ELP1: variants seen among roughly 807,000 people sequenced by gnomAD.
ELP1 encodes elongator acetyltransferase complex subunit 1.
ELP1 carries 131 observed loss-of-function variants against 183.2 expected under a neutral mutation model. The ratio of observed to expected loss-of-function variants is 0.72; its 90% CI spans 0.62 to 0.83. ELP1 has a LOEUF of 0.83. Among genes scored for constraint, ELP1 ranks in the 40% least tolerant of loss-of-function variants. The probability of loss-of-function intolerance (pLI) is 0.00; values close to 1 mark genes in which losing one functional copy is unlikely to be tolerated. For synonymous variants in ELP1, 555 were observed against 569.0 expected (o/e 0.98, Z 0.35); for missense variants, 1,550 against 1,594.9 (o/e 0.97, Z 0.48).
chr9:108,887,063 G>T (rs1220769955), intron 29 of ELP1, among the ~76,000 whole-genome samples: 3 of 151,934 alleles, frequency 2.0e-5, no homozygotes, highest in Non-Finnish European at 4.4e-5. Flanking sequence ...ACAAAAATTA[G>T]CCAGGCATGG....
At chr9:108,881,875 GA>G (rs754298510) in intron 30 of ELP1, 110 bp from the exon 31 acceptor site, 10 of 768,812 alleles carry the variant, frequency 1.3e-5, no homozygotes, top group Non-Finnish European at 2.0e-5. Context: ...ATATTTTCCT[GA>G]AAAACAGGCC....
chr9:108,912,218 C>A (rs761200371), intron 11 of ELP1, 46 bp downstream of exon 11: 3 of 1,447,696 alleles, frequency 2.1e-6, no homozygotes, highest in Middle Eastern at 3.6e-4. Flanking sequence ...AGGCCCTAGG[C>A]TCAGGACCCC....
chr9:108,922,864 T>C lies in ELP1; in HGVS notation c.530A>G (p.Gln177Arg). 6.2e-7 allele frequency: 1 copy of C among 1,614,018 alleles called. No homozygotes were observed. Among genetic ancestry groups the C allele is most frequent in the Non-Finnish European group, 8.5e-7 (1 of 1,179,854 alleles). ...ETQFHGSEGR[Q>R]AAFQMQMHES... Reference sequence around the variant, plus strand: ...TACCATTTGCATCTGAAAAGCTGCTTGTCTGCCTTCTGATCCATGGAACTG... The same window carrying C: ...TACCATTTGCATCTGAAAAGCTGCTCGTCTGCCTTCTGATCCATGGAACTG... Residue 177 changes from glutamine (Q) to arginine (R), a missense_variant, in exon 6 of 37, where the codon CAA becomes CGA. Gln to Arg is a conservative substitution (Grantham distance 43, BLOSUM62 1). Coordinates refer to ENST00000374647, the MANE Select transcript of ELP1 (RefSeq NM_003640.5).
intron 13 of ELP1, among the ~76,000 whole-genome samples, chr9:108,907,606 A>T (rs1349101181): frequency 6.6e-6 from 1 of 152,210 alleles, no homozygotes; most frequent in Non-Finnish European, 1.5e-5. Context: ...AGTAATGAAG[A>T]ACATGGACTT....
intron 5 of ELP1, among the ~76,000 whole-genome samples, chr9:108,925,500 C>T (rs891086908): frequency 5.9e-5 from 9 of 151,962 alleles, no homozygotes; most frequent in Admixed American, 3.3e-4. Context: ...CTGACTACTC[C>T]AAACCCTTAT....
chr9:108,883,703 C>T (rs115525860), intron 29 of ELP1, among the ~76,000 whole-genome samples: 196 of 151,952 alleles, frequency 1.3e-3, no homozygotes, highest in African/African-American at 4.4e-3. Flanking sequence ...AAGTAGTATA[C>T]GATTATCTGA....
chr9:108,930,857 T>C, intron 2 of ELP1, 140 bp downstream of exon 2: 1 of 801,884 alleles, frequency 1.2e-6, no homozygotes, highest in South Asian at 1.5e-5. Context: ...TAACATGGCA[T>C]ATATATGAAG....
intron 35 of ELP1, among the ~76,000 whole-genome samples, chr9:108,877,509 C>A (rs1458151261): frequency 6.6e-6 from 1 of 152,134 alleles, no homozygotes. Flanking sequence ...TAGAATTCTG[C>A]GATACAAAGC....
At chr9:108,872,804 GAAAAAAAAAAA>G (rs58139943) in intron 36 of ELP1, among the ~76,000 whole-genome samples, 5,195 of 82,152 alleles carry the variant, frequency 0.063, 87 homozygotes, top group Non-Finnish European at 0.079. Context: ...GACTCTGTCT[GAAAAAAAAAAA>G]AAAAAAAAAA....
At chr9:108,908,215 A>C (rs1829088314) in intron 13 of ELP1, 90 bp downstream of exon 13, 1 of 927,128 alleles carries the variant, frequency 1.1e-6, no homozygotes, top group African/African-American at 1.6e-5. Context: ...CCACTCAGCA[A>C]CAGGCATAGA....
intron 26 of ELP1, 121 bp downstream of exon 26, chr9:108,893,822 T>G (rs997270728): frequency 2.2e-4 from 229 of 1,064,254 alleles, no homozygotes; most frequent in Middle Eastern, 8.3e-4. Context: ...ACATAATTGT[T>G]AGAGTTTTCA....
At chr9:108,916,353 C>A in intron 9 of ELP1, 56 bp from the exon 10 acceptor site, 1 of 1,312,822 alleles carries the variant, frequency 7.6e-7, no homozygotes, top group Non-Finnish European at 1.1e-6. Flanking sequence ...ACTTCCAAAT[C>A]TTTATAATAG....
In ELP1 at chr9:108,899,804, C is replaced by T. The variant is rs115641835; in HGVS notation, c.2204+18G>A. 3.1e-6 allele frequency: 5 copies of T among 1,602,422 alleles called. No homozygotes were observed. The highest frequency in any genetic ancestry group is 4.3e-6 in the Non-Finnish European group (5 of 1,169,500). ...AAATCACAAGCTAACTAGTCGCAAA[C>T]AGTACAATGGCACTTACTTGTCCAA... On this transcript the variant is annotated intron_variant, in intron 20 of 36. Coordinates refer to ENST00000374647, the MANE Select transcript of ELP1 (RefSeq NM_003640.5).
chr9:108,892,848 A>C, intron 27 of ELP1, 138 bp downstream of exon 27: 1 of 713,758 alleles, frequency 1.4e-6, no homozygotes, highest in Non-Finnish European at 2.6e-6. Context: ...CTCCCAGATA[A>C]GAAGTTCAAA....
At position 108,868,544 on chromosome 9, in the gene ELP1, G is replaced by T. The variant is rs1454153298; in HGVS notation, c.*571C>A. 17 of 433,020 alleles carry T rather than the reference G, an allele frequency of 3.9e-5. No individual in the cohort carries two copies. In the East Asian group the frequency reaches 5.6e-4, roughly 14 times the overall value. The allele number at this position is 433,020 out of a possible 1,614,324, so 26.8% of individuals were successfully genotyped here. A position where few individuals can be genotyped will look rare whatever the true frequency, so the allele number is the denominator to read the frequency against. ...CAGTAAAACAGTCCCTATAGACATT[G>T]TAATTATAGGAGGCTCAGCCCAGTT... On this transcript the variant is annotated 3_prime_UTR_variant, in exon 37 of 37. Transcript: ENST00000374647.
chr9:108,872,282 C>T (rs7854970), intron 36 of ELP1, among the ~76,000 whole-genome samples: 30,223 of 152,058 alleles, frequency 0.2, 3,305 homozygotes, highest in African/African-American at 0.28. Context: ...ACAATAGCAA[C>T]AGGAGGTAGC....
At chr9:108,920,854 G>T (rs966991652) in intron 6 of ELP1, among the ~76,000 whole-genome samples, 1 of 151,878 alleles carries the variant, frequency 6.6e-6, no homozygotes, top group Non-Finnish European at 1.5e-5. Context: ...AGGATGCTCG[G>T]TTTTTTTCCC....
intron 28 of ELP1, 51 bp from the exon 29 acceptor site, chr9:108,889,444 G>T: frequency 6.7e-7 from 1 of 1,495,722 alleles, no homozygotes; most frequent in Non-Finnish European, 9.3e-7. Context: ...AGATACTTTA[G>T]CTCAAGTGCT....
chr9:108,928,638 A>T (rs1206557197), intron 3 of ELP1, among the ~76,000 whole-genome samples: 2 of 152,242 alleles, frequency 1.3e-5, no homozygotes, highest in African/African-American at 4.8e-5. Context: ...AAGGCACAAT[A>T]GTGGGCTCTA....
Sources: allele counts gnomAD v4.1 joint callset (sites outside exome capture counted in the v4.1 genomes callset), GRCh38; gene constraint gnomAD v4.1.1; transcripts MANE v1.5; gene names NCBI Gene and HGNC (gene_info 2026-07-23, HGNC 2026-07-21).